Variants in TENM3 observed in about 807,000 individuals in gnomAD.
The protein encoded by TENM3 is teneurin-3.
In TENM3, 63 loss-of-function variants were observed where a neutral mutation model predicts 255.1. That is an observed-to-expected ratio of 0.25 (90% confidence interval 0.20 to 0.30). TENM3 has a LOEUF of 0.30. TENM3 is among the 10% of genes least tolerant of loss of function. The pLI is 1.00. For missense variants in TENM3, 2,929 were observed against 3,461.1 expected (o/e 0.85, Z 3.86); for synonymous variants, 1,306 against 1,322.3 (o/e 0.99, Z 0.27).
intron 3 of TENM3, among the ~76,000 whole-genome samples, chr4:182,564,689 T>C (rs150906518): frequency 4.6e-5 from 7 of 152,004 alleles, no homozygotes; most frequent in South Asian, 2.1e-4. Flanking sequence ...TAAAGTGCCC[T>C]ATTGTTACAG....
At chr4:181,683,692 G>C in the TENM3 span, among the ~76,000 whole-genome samples, 1 of 152,170 alleles carries the variant, frequency 6.6e-6, no homozygotes, top group African/African-American at 2.4e-5. Context: ...GTCTAGGAGA[G>C]GCGAAGAGGG....
the TENM3 span, among the ~76,000 whole-genome samples, chr4:181,948,647 A>G: frequency 2.0e-5 from 3 of 151,924 alleles, no homozygotes; most frequent in African/African-American, 7.3e-5. Flanking sequence ...CGAACTCCTG[A>G]CCTCGTGATC....
the TENM3 span, chr4:181,522,892 C>T: frequency 4.1e-6 from 4 of 973,432 alleles, no homozygotes; most frequent in Admixed American, 5.3e-5. Flanking sequence ...GTGATGATAG[C>T]AGTTGTTGCT....
intron 3 of TENM3, among the ~76,000 whole-genome samples, chr4:182,369,944 A>G (rs981415333): frequency 2.0e-5 from 3 of 152,148 alleles, no homozygotes; most frequent in Non-Finnish European, 2.9e-5. Context: ...TGATGAGAAG[A>G]TAAGAGATCT....
intron 1 of TENM3, among the ~76,000 whole-genome samples, chr4:182,317,818 G>C (rs1207823137): frequency 6.6e-6 from 1 of 151,944 alleles, no homozygotes; most frequent in Non-Finnish European, 1.5e-5. Context: ...ATGAACAAAA[G>C]CAATTGATTT....
the TENM3 span, among the ~76,000 whole-genome samples, chr4:181,834,362 T>G: frequency 6.6e-6 from 1 of 152,344 alleles, no homozygotes; most frequent in African/African-American, 2.4e-5. Flanking sequence ...CTATTTCAAA[T>G]GCATTGTTTT....
Position 182,420,729 on chromosome 4 carries a change from T to C in TENM3, c.511+73800T>C, listed in dbSNP as rs144413156. On this transcript the variant is annotated intron_variant, in intron 3 of 27. Coordinates refer to ENST00000511685, the MANE Select transcript of TENM3 (RefSeq NM_001080477.4). ...TGACATGAGGATTGATGAATGGATA[T>C]ACACCAAACTATAGGTATGTCAAGG... 9.2e-5 allele frequency among the ~76,000 whole-genome samples: 14 copies of C among 152,316 alleles called. No homozygotes were observed. The East Asian group carries it at 2.7e-3, about 29-fold the overall frequency.
chr4:182,205,472 G>A (rs1197090534), intron 1 of TENM3, among the ~76,000 whole-genome samples: 5 of 152,208 alleles, frequency 3.3e-5, no homozygotes, highest in Non-Finnish European at 4.4e-5. Context: ...GGGCCTTGGA[G>A]CCTGGCTCTT....
chr4:181,989,326 G>A, the TENM3 span, among the ~76,000 whole-genome samples: 1 of 152,024 alleles, frequency 6.6e-6, no homozygotes, highest in African/African-American at 2.4e-5. Context: ...GTGTTGTCAT[G>A]GAAGCTGTGT....
intron 3 of TENM3, among the ~76,000 whole-genome samples, chr4:182,442,813 C>CAT (rs372983416): frequency 0.019 from 2,670 of 143,406 alleles, 38 homozygotes; most frequent in Middle Eastern, 0.035. Flanking sequence ...TGTATATACA[C>CAT]ATATATATAC....
chr4:182,470,705 GT>G (rs1733034024), intron 3 of TENM3, among the ~76,000 whole-genome samples: 1 of 152,166 alleles, frequency 6.6e-6, no homozygotes, highest in Admixed American at 6.5e-5. Context: ...CAGTTAGGGT[GT>G]ATCCATTATG....
intron 3 of TENM3, among the ~76,000 whole-genome samples, chr4:182,366,553 G>A (rs550480728): frequency 5.9e-5 from 9 of 151,830 alleles, no homozygotes; most frequent in South Asian, 2.1e-4. Flanking sequence ...ACTTCATATC[G>A]TCTAATAAAT....
the TENM3 span, among the ~76,000 whole-genome samples, chr4:181,574,314 G>T: frequency 6.6e-6 from 1 of 152,046 alleles, no homozygotes; most frequent in African/African-American, 2.4e-5. Flanking sequence ...GGTGGATCAT[G>T]AGGTCAGGAG....
At chr4:182,276,306 T>C (rs190251628) in intron 1 of TENM3, among the ~76,000 whole-genome samples, 1 of 152,188 alleles carries the variant, frequency 6.6e-6, no homozygotes, top group African/African-American at 2.4e-5. Context: ...GTGAAAAGAA[T>C]AGAATTCAAG....
chr4:182,155,671 T>C (rs1346971921), intron 1 of TENM3, among the ~76,000 whole-genome samples: 2 of 152,172 alleles, frequency 1.3e-5, no homozygotes, highest in Non-Finnish European at 2.9e-5. Flanking sequence ...TCAATTATTT[T>C]ATGAGATTTT....
the TENM3 span, among the ~76,000 whole-genome samples, chr4:181,731,729 T>TGAC: frequency 6.6e-6 from 1 of 152,148 alleles, no homozygotes; most frequent in Non-Finnish European, 1.5e-5. Flanking sequence ...CCCCCAAAGG[T>TGAC]GACTGATTAA....
chr4:182,577,780 C>T (rs1315263967), intron 3 of TENM3, among the ~76,000 whole-genome samples: 1 of 152,162 alleles, frequency 6.6e-6, no homozygotes, highest in African/African-American at 2.4e-5. Flanking sequence ...CCAGTATTAA[C>T]TATCTTTATG....
At chr4:181,836,801 A>G in the TENM3 span, among the ~76,000 whole-genome samples, 3 of 152,282 alleles carry the variant, frequency 2.0e-5, no homozygotes, top group South Asian at 6.2e-4. Flanking sequence ...AATTTAATAA[A>G]CGTTCTTCTT....
intron 3 of TENM3, among the ~76,000 whole-genome samples, chr4:182,564,651 A>G (rs558130679): frequency 6.6e-6 from 1 of 150,380 alleles, no homozygotes; most frequent in South Asian, 2.1e-4. Context: ...TATTGAAGGC[A>G]TATTTGTTTC....
Sources: gnomAD v4.1 joint callset for allele counts (sites outside exome capture counted in the v4.1 genomes callset) on GRCh38, gnomAD v4.1.1 for gene constraint, MANE v1.5 for transcripts, NCBI Gene and HGNC (gene_info 2026-07-23, HGNC 2026-07-21) for gene names.